FLRT1: variants seen among roughly 807,000 people sequenced by gnomAD.
FLRT1 encodes the protein leucine-rich repeat transmembrane protein FLRT1.
In FLRT1, 14 loss-of-function variants were observed where a neutral mutation model predicts 30.9. That is an observed-to-expected ratio of 0.45 (90% confidence interval 0.30 to 0.71). The LOEUF (loss-of-function observed/expected upper bound fraction) is 0.71, where lower values mean the gene tolerates loss of function less well. FLRT1 is among the 30% of genes least tolerant of loss of function. FLRT1 has a pLI of 0.08. For missense variants in FLRT1, 737 were observed against 949.2 expected (o/e 0.78, Z 2.94); for synonymous variants, 368 against 430.4 (o/e 0.85, Z 1.80).
intron 1 of FLRT1, among the ~76,000 whole-genome samples, chr11:64,074,310 G>A (rs1371011081): frequency 1.3e-5 from 2 of 152,196 alleles, no homozygotes; most frequent in Non-Finnish European, 2.9e-5. Context: ...TAGCTGCCGA[G>A]CTCCTATGCA....
intron 1 of FLRT1, among the ~76,000 whole-genome samples, chr11:64,099,827 A>AGATG (rs544902818): frequency 2.0e-5 from 3 of 150,890 alleles, no homozygotes; most frequent in Admixed American, 6.6e-5. Context: ...GTGAATGGAT[A>AGATG]GATGGATGGA....
At chr11:64,097,011 A>G (rs1944588512) in intron 1 of FLRT1, among the ~76,000 whole-genome samples, 1 of 152,166 alleles carries the variant, frequency 6.6e-6, no homozygotes, top group African/African-American at 2.4e-5. Flanking sequence ...GCAAAGGCAC[A>G]AGAGCACTCC....
intron 1 of FLRT1, among the ~76,000 whole-genome samples, chr11:64,075,879 GGTCA>G (rs1007558804): frequency 1.3e-5 from 2 of 152,162 alleles, no homozygotes; most frequent in South Asian, 4.1e-4. Context: ...TCACCATGTT[GGTCA>G]GGCTGGTCTC....
At chr11:64,074,317 T>G (rs751627540) in intron 1 of FLRT1, among the ~76,000 whole-genome samples, 2 of 152,214 alleles carry the variant, frequency 1.3e-5, no homozygotes, top group African/African-American at 4.8e-5. Context: ...CGAGCTCCTA[T>G]GCATTCTGCA....
Position 64,116,513 on chromosome 11 carries a change from T to C in FLRT1, c.246T>C (p.Asp82=), listed in dbSNP as rs614397. The C allele has an allele frequency of 0.8, 1,294,287 of 1,613,842 alleles. 536,784 individuals are homozygous for C. Among genetic ancestry groups the C allele is most frequent in the Non-Finnish European group, 0.87 (1,020,745 of 1,180,004 alleles). The change falls in exon 3 of 3, where the codon GAT becomes GAC. Residue 82 remains aspartate (D), a synonymous_variant. Transcript: ENST00000682287. ...LTSIPADIPD[D]ATTLYLQNNQ... ...CCATCCCCGCAGATATCCCTGATGA[T>C]GCCACCACCCTCTACCTGCAGAACA...
At chr11:64,057,835 C>G (rs546269763) in intron 1 of FLRT1, among the ~76,000 whole-genome samples, 1 of 152,366 alleles carries the variant, frequency 6.6e-6, no homozygotes, top group South Asian at 2.1e-4. Context: ...CAGCAGCACC[C>G]CTTTCCACTT....
chr11:64,065,546 T>C (rs570930840), intron 1 of FLRT1, among the ~76,000 whole-genome samples: 9 of 152,002 alleles, frequency 5.9e-5, no homozygotes, highest in Non-Finnish European at 5.9e-5. Flanking sequence ...TCCCAGCACT[T>C]TGGGAGGCCA....
intron 2 of FLRT1, among the ~76,000 whole-genome samples, chr11:64,110,561 G>T (rs1159559157): frequency 6.6e-6 from 1 of 151,048 alleles, no homozygotes; most frequent in African/African-American, 2.4e-5. Flanking sequence ...ATAGAGCCAA[G>T]AATAATGCCA....
chr11:64,038,056 C>T (rs1475250724), intron 1 of FLRT1, among the ~76,000 whole-genome samples: 3 of 152,176 alleles, frequency 2.0e-5, no homozygotes, highest in African/African-American at 4.8e-5. Context: ...TGTCACTGGA[C>T]TTCATCCTCA....
At chr11:64,049,219 A>G (rs1369790514) in intron 1 of FLRT1, among the ~76,000 whole-genome samples, 1 of 152,214 alleles carries the variant, frequency 6.6e-6, no homozygotes, top group Non-Finnish European at 1.5e-5. Context: ...GGACCCCCAG[A>G]GACCACTGTG....
chr11:64,107,826 G>A (rs1944790302), intron 2 of FLRT1, among the ~76,000 whole-genome samples: 1 of 152,098 alleles, frequency 6.6e-6, no homozygotes, highest in Non-Finnish European at 1.5e-5. Flanking sequence ...CAGTCCCTGG[G>A]GCATCTGCCT....
intron 1 of FLRT1, among the ~76,000 whole-genome samples, chr11:64,068,507 G>C (rs1174961430): frequency 6.6e-6 from 1 of 152,226 alleles, no homozygotes; most frequent in Non-Finnish European, 1.5e-5. Flanking sequence ...TGAGGTCCTA[G>C]GATAACGATG....
chr11:64,074,640 G>A (rs1300702541), intron 1 of FLRT1, among the ~76,000 whole-genome samples: 1 of 152,214 alleles, frequency 6.6e-6, no homozygotes, highest in Admixed American at 6.5e-5. Flanking sequence ...AAGGGGGGCT[G>A]TGCCCTTACA....
intron 1 of FLRT1, among the ~76,000 whole-genome samples, chr11:64,065,477 G>C (rs577277992): frequency 1.3e-5 from 2 of 152,164 alleles, no homozygotes; most frequent in South Asian, 4.1e-4. Flanking sequence ...TGCTTGTCCT[G>C]AGCTACAGAG....
Position 64,117,928 on chromosome 11 carries a change from C to A in FLRT1, c.1661C>A (p.Ala554Glu). The A allele has an allele frequency of 6.2e-7, 1 of 1,613,890 alleles. No individual in the cohort carries two copies. The highest frequency in any genetic ancestry group is 1.3e-5 in the African/African-American group (1 of 75,080). ...GGCCCCATGGCGAGCCTGCCCCTGG[C>A]GGGCATCATCGGCGGGGCAGTGGCT... The part of the protein sequence containing the change: ...NAGPMASLPL[A>E]GIIGGAVALV... The change falls in exon 3 of 3, where the codon GCG (alanine) becomes GAG (glutamate). Residue 554 changes from alanine (A) to glutamate (E), a missense_variant. Transcript: ENST00000682287.
chr11:64,101,567 G>A (rs1475622577), intron 1 of FLRT1, among the ~76,000 whole-genome samples: 4 of 152,082 alleles, frequency 2.6e-5, no homozygotes, highest in Non-Finnish European at 4.4e-5. Context: ...TCTGCGCCCC[G>A]GCCAGGGAGG....
At chr11:64,092,078 C>T (rs945431216) in intron 1 of FLRT1, among the ~76,000 whole-genome samples, 3 of 152,200 alleles carry the variant, frequency 2.0e-5, no homozygotes, top group African/African-American at 7.2e-5. Flanking sequence ...GACCATAGCA[C>T]ACTCTGGTGT....
At chr11:64,095,781 G>C (rs1040901960) in intron 1 of FLRT1, among the ~76,000 whole-genome samples, 1 of 152,248 alleles carries the variant, frequency 6.6e-6, no homozygotes, top group Non-Finnish European at 1.5e-5. Flanking sequence ...CTTGAAGGAA[G>C]TGAGCAGGGG....
At chr11:64,050,766 A>C (rs923151340) in intron 1 of FLRT1, among the ~76,000 whole-genome samples, 8 of 152,190 alleles carry the variant, frequency 5.3e-5, no homozygotes, top group African/African-American at 1.9e-4. Flanking sequence ...TTACAGGCGC[A>C]TGCCATAATA....
Sources: allele counts gnomAD v4.1 joint callset (sites outside exome capture counted in the v4.1 genomes callset), GRCh38; gene constraint gnomAD v4.1.1; transcripts MANE v1.5; gene names NCBI Gene and HGNC (gene_info 2026-07-23, HGNC 2026-07-21).